PCED1B: variants seen among roughly 807,000 people sequenced by gnomAD.
PCED1B encodes PC-esterase domain-containing protein 1B.
For missense variants in PCED1B, 573 were observed against 573.9 expected, an observed-to-expected ratio of 1.00 and a Z score of 0.02; for synonymous variants, 251 against 246.1, an observed-to-expected ratio of 1.02 and a Z score of -0.19.
intron 3 of PCED1B, among the ~76,000 whole-genome samples, chr12:47,217,462 G>GAAAGAAAGAA (rs1565607751): frequency 4.7e-4 from 33 of 70,526 alleles, no homozygotes; most frequent in African/African-American, 2.2e-3. Flanking sequence ...GAAAGAAAAA[G>GAAAGAAAGAA]AAAGAAAGAG....
At chr12:47,133,525 CTG>C (rs1263975285) in intron 2 of PCED1B, among the ~76,000 whole-genome samples, 7 of 152,186 alleles carry the variant, frequency 4.6e-5, no homozygotes, top group African/African-American at 1.7e-4. Context: ...GAAAGAATGA[CTG>C]TGTGAGATGT....
chr12:47,124,600 C>G (rs1939813777), intron 2 of PCED1B, among the ~76,000 whole-genome samples: 2 of 151,270 alleles, frequency 1.3e-5, no homozygotes, highest in African/African-American at 2.4e-5. Context: ...AGTGGAATGG[C>G]TGGGTCATGT....
chr12:47,197,712 T>C (rs1181666214), intron 2 of PCED1B, among the ~76,000 whole-genome samples: 1 of 151,858 alleles, frequency 6.6e-6, no homozygotes, highest in Non-Finnish European at 1.5e-5. Flanking sequence ...AAAGGGGCCA[T>C]TGTTACTGAC....
At chr12:47,123,052 A>G (rs181804685) in intron 2 of PCED1B, among the ~76,000 whole-genome samples, 1 of 152,208 alleles carries the variant, frequency 6.6e-6, no homozygotes, top group Admixed American at 6.5e-5. Context: ...AGAACGAAGA[A>G]TTATTTGTCA....
intron 2 of PCED1B, chr12:47,209,096 G>C (rs1943000240): frequency 1.3e-5 from 2 of 152,358 alleles, no homozygotes; most frequent in Admixed American, 1.3e-4. Context: ...CTGGTTGTCA[G>C]GGTGAGCAAA....
chr12:47,133,533 G>C (rs1168727708), intron 2 of PCED1B, among the ~76,000 whole-genome samples: 1 of 152,196 alleles, frequency 6.6e-6, no homozygotes, highest in East Asian at 1.9e-4. Flanking sequence ...GACTGTGTGA[G>C]ATGTGGGTTC....
chr12:47,175,216 G>C (rs1941883708), intron 2 of PCED1B, among the ~76,000 whole-genome samples: 6 of 152,130 alleles, frequency 3.9e-5, no homozygotes, highest in Non-Finnish European at 8.8e-5. Flanking sequence ...CTTTATCTTA[G>C]AATTATAATC....
chr12:47,216,952 G>A (rs898999787), intron 3 of PCED1B, among the ~76,000 whole-genome samples: 3 of 152,172 alleles, frequency 2.0e-5, no homozygotes, highest in South Asian at 2.1e-4. Context: ...GAGAAGGGAC[G>A]TGAGGCATCT....
intron 1 of PCED1B, among the ~76,000 whole-genome samples, chr12:47,095,934 C>T (rs1198193571): frequency 6.6e-6 from 1 of 152,020 alleles, no homozygotes; most frequent in Non-Finnish European, 1.5e-5. Context: ...TACTCTGTCT[C>T]AGGTACTTTA....
intron 2 of PCED1B, among the ~76,000 whole-genome samples, chr12:47,124,739 A>T (rs1939820099): frequency 6.6e-6 from 1 of 151,976 alleles, no homozygotes; most frequent in Non-Finnish European, 1.5e-5. Flanking sequence ...TGGTAATATC[A>T]TATTGTGTTT....
intron 2 of PCED1B, among the ~76,000 whole-genome samples, chr12:47,192,144 CA>C (rs1447667661): frequency 6.9e-6 from 1 of 145,582 alleles, no homozygotes; most frequent in African/African-American, 2.6e-5. Flanking sequence ...TTAACTATTT[CA>C]AAAATGGAGG....
At chr12:47,083,724 C>A (rs1247595660) in intron 1 of PCED1B, among the ~76,000 whole-genome samples, 2 of 152,124 alleles carry the variant, frequency 1.3e-5, no homozygotes, top group Non-Finnish European at 2.9e-5. Flanking sequence ...CAGCTTATGG[C>A]ATGTTTCTCT....
At chr12:47,107,334 G>A (rs192098185) in intron 2 of PCED1B, among the ~76,000 whole-genome samples, 138 of 152,236 alleles carry the variant, frequency 9.1e-4, no homozygotes, top group African/African-American at 3.2e-3. Context: ...TGCCTCTCCC[G>A]GCATGTCTGT....
chr12:47,203,282 T>G (rs1942822500), intron 2 of PCED1B, among the ~76,000 whole-genome samples: 1 of 152,148 alleles, frequency 6.6e-6, no homozygotes, highest in Non-Finnish European at 1.5e-5. Flanking sequence ...CTCTTTTCTT[T>G]TTTTAATTTT....
chr12:47,128,344 A>G (rs12316312), intron 2 of PCED1B, among the ~76,000 whole-genome samples: 2,144 of 152,298 alleles, frequency 0.014, 54 homozygotes, highest in African/African-American at 0.048. Flanking sequence ...TTTGAGGAAC[A>G]AAAAATGGAG....
rs751172437 is a variant in PCED1B at position 47,235,083 on chromosome 12, C to T, written c.20C>T (p.Ser7Phe). MILLRASEVRQLLHNKF... is the reference protein window; with the variant it reads MILLRAFEVRQLLHNKF... ...GGCGTCATGATCCTTCTGCGGGCCT[C>T]CGAAGTGCGGCAGCTGCTTCACAAT... Residue 7 changes from serine (S) to phenylalanine (F), a missense_variant, in exon 4 of 4, where the codon TCC (serine) becomes TTC (phenylalanine). Physicochemically the swap from Ser to Phe is radical, Grantham distance 155 (BLOSUM62 -2). Coordinates refer to ENST00000546455, the MANE Select transcript of PCED1B (RefSeq NM_138371.3). 3 of 1,528,586 alleles carry T rather than the reference C, an allele frequency of 2.0e-6. No homozygotes were observed. The highest frequency in any genetic ancestry group is 2.3e-5 in the East Asian group (1 of 44,182). The allele number at this position is 1,528,586 out of a possible 1,614,324, so 94.7% of individuals were successfully genotyped here. A position where few individuals can be genotyped will look rare whatever the true frequency, so the allele number is the denominator to read the frequency against.
chr12:47,132,028 G>A (rs1174632651), intron 2 of PCED1B, among the ~76,000 whole-genome samples: 3 of 152,136 alleles, frequency 2.0e-5, no homozygotes, highest in East Asian at 3.9e-4. Context: ...GAAGTGAAAG[G>A]CAGATGACCT....
chr12:47,119,090 A>G (rs4294634), intron 2 of PCED1B, among the ~76,000 whole-genome samples: 3,450 of 152,310 alleles, frequency 0.023, 105 homozygotes, highest in East Asian at 0.076. Flanking sequence ...CCACATGCCT[A>G]TAGCCAGCTG....
chr12:47,111,439 A>G (rs777047629), intron 2 of PCED1B, among the ~76,000 whole-genome samples: 1 of 152,180 alleles, frequency 6.6e-6, no homozygotes, highest in Non-Finnish European at 1.5e-5. Flanking sequence ...CACATAACAC[A>G]AAATTTGCCA....
Sources: gnomAD v4.1 joint callset for allele counts (sites outside exome capture counted in the v4.1 genomes callset) on GRCh38, gnomAD v4.1.1 for gene constraint, MANE v1.5 for transcripts, NCBI Gene and HGNC (gene_info 2026-07-23, HGNC 2026-07-21) for gene names.